ACOT11: variants seen among roughly 807,000 people sequenced by gnomAD.
The protein encoded by ACOT11 is acyl-CoA thioesterase 11.
ACOT11 carries 69 observed loss-of-function variants against 77.5 expected under a neutral mutation model. The ratio of observed to expected loss-of-function variants is 0.89; its 90% CI spans 0.73 to 1.09. The LOEUF is 1.09. Ranked by LOEUF, ACOT11 falls within the 50% of genes least tolerant of loss-of-function variation. The pLI is 0.00. For synonymous variants in ACOT11, 279 were observed against 313.0 expected, an observed-to-expected ratio of 0.89 and a Z score of 1.15; for missense variants, 766 against 813.7, an observed-to-expected ratio of 0.94 and a Z score of 0.71.
exon 17 of ACOT11, chr1:54,635,270 CTCTCA>C (rs1644324959): frequency 9.2e-6 from 2 of 218,370 alleles, no homozygotes; most frequent in African/African-American, 4.8e-5. Context: ...TGAATTGCAC[CTCTCA>C]GTCTGCATGC....
chr1:54,619,833 G>A lies in ACOT11; in HGVS notation c.1630-10901G>A, dbSNP rs144034953. The A allele has an allele frequency of 6.2e-4, 997 of 1,610,554 alleles. 4 individuals carry two copies. The African/African-American group carries it at 0.01, about 17-fold the overall frequency. ...CTCTGTCTTCTCTATCCCTTGCCCTGGCCTGCCTCAGTCTTGGCAGCTGGA... is the reference window on the plus strand; with the variant it reads ...CTCTGTCTTCTCTATCCCTTGCCCTAGCCTGCCTCAGTCTTGGCAGCTGGA... On this transcript the variant is annotated intron_variant, in intron 15 of 16. Transcript: ENST00000371316.
At chr1:54,553,396 A>T (rs1653140663) in intron 1 of ACOT11, among the ~76,000 whole-genome samples, 1 of 150,614 alleles carries the variant, frequency 6.6e-6, no homozygotes, top group Non-Finnish European at 1.5e-5. Flanking sequence ...TGAACCTGGG[A>T]GGTGGAGGTT....
chr1:54,611,685 G>A (rs201642339), downstream of ACOT11: 65 of 1,614,098 alleles, frequency 4.0e-5, no homozygotes, highest in East Asian at 1.8e-4. Flanking sequence ...TATCCCGGAC[G>A]TAGAGCAGAT....
At chr1:54,549,152 G>A (rs1236323022) in intron 1 of ACOT11, among the ~76,000 whole-genome samples, 1 of 152,138 alleles carries the variant, frequency 6.6e-6, no homozygotes, top group African/African-American at 2.4e-5. Flanking sequence ...CGGGCCCTGT[G>A]CATCTTGTCT....
At chr1:54,585,709 A>G (rs1170096729) in intron 2 of ACOT11, 126 bp from the exon 3 acceptor site, 4 of 806,978 alleles carry the variant, frequency 5.0e-6, no homozygotes, top group Non-Finnish European at 6.0e-6. Flanking sequence ...TGGTGGCAGC[A>G]GGGTGTGGTG....
At chr1:54,563,834 G>T (rs1023664995) in intron 1 of ACOT11, among the ~76,000 whole-genome samples, 1 of 152,134 alleles carries the variant, frequency 6.6e-6, no homozygotes, top group Middle Eastern at 3.4e-3. Flanking sequence ...CTGAGGGAGC[G>T]GGGGGCGGAT....
rs370568235 is a variant in ACOT11 at position 54,594,009 on chromosome 1, C to T, written c.441C>T (p.Ala147=). ...AGTGGAATGTGTGCAAGGCCTTGGC[C>T]ACCTTCGTGGCCCGCCGAGAGATCA... ...EKQWNVCKAL[A]TFVARREITK... The change falls in exon 5 of 16, where the codon GCC becomes GCT. Residue 147 remains alanine (A), a synonymous_variant. Transcript: ENST00000343744. The T allele has an allele frequency of 5.0e-6, 8 of 1,613,982 alleles. No homozygotes were observed. The African/African-American group carries it at 9.3e-5, about 19-fold the overall frequency.
At position 54,607,790 on chromosome 1, in the gene ACOT11, G is replaced by A. The variant is rs79306339; in HGVS notation, c.1503-152G>A. The A allele has an allele frequency of 2.3e-3, 2,272 of 1,008,024 alleles. 41 individuals are homozygous for A. In the Admixed American group the frequency reaches 0.032, roughly 14 times the overall value. 62.4% of individuals were successfully genotyped at this position (1,008,024 alleles called of 1,614,324 possible). On this transcript the variant is annotated intron_variant, in intron 14 of 15. Transcript: ENST00000343744. The surrounding 1 kb of genome is among the most constrained non-coding windows in gnomAD (Gnocchi z 4.5). ...TCCCTCCAGCCTGGCCCTGAGCCCC[G>A]CATTGGGGCTTTAAGAGTCGATGTG...
chr1:54,620,046 GC>G, intron 15 of ACOT11: 1 of 1,603,146 alleles, frequency 6.2e-7, no homozygotes, highest in Non-Finnish European at 8.5e-7. Context: ...GTCTGTCCTC[GC>G]CCCAGCCCAA....
At chr1:54,550,999 G>A (rs1653044683) in intron 1 of ACOT11, among the ~76,000 whole-genome samples, 1 of 151,914 alleles carries the variant, frequency 6.6e-6, no homozygotes, top group African/African-American at 2.4e-5. Flanking sequence ...AATTAGCTGG[G>A]CATGGTGGCA....
chr1:54,629,076 A>AAAG (rs1312118869), intron 15 of ACOT11, among the ~76,000 whole-genome samples: 17 of 127,800 alleles, frequency 1.3e-4, no homozygotes, highest in East Asian at 1.3e-3. Context: ...AAAAAAAAAA[A>AAAG]AAGAAGAAGA....
chr1:54,581,039 GA>G (rs1301945260), intron 1 of ACOT11, among the ~76,000 whole-genome samples: 1 of 152,206 alleles, frequency 6.6e-6, no homozygotes, highest in East Asian at 1.9e-4. Flanking sequence ...AGCCATCGAA[GA>G]GTCCTGAGCA....
exon 17 of ACOT11, chr1:54,635,178 T>A (rs1644324323): frequency 4.3e-6 from 1 of 234,026 alleles, no homozygotes; most frequent in South Asian, 5.6e-5. Flanking sequence ...TTAGGAAGAT[T>A]GCTTTGCAGA....
intron 1 of ACOT11, among the ~76,000 whole-genome samples, chr1:54,559,657 T>C (rs1653397253): frequency 1.3e-5 from 2 of 152,190 alleles, no homozygotes; most frequent in Admixed American, 6.5e-5. Flanking sequence ...TAGGGTCAGT[T>C]GGTCAGATGA....
At chr1:54,611,161 A>G (rs1644113519), downstream of ACOT11, 1 of 524,928 alleles carries the variant, frequency 1.9e-6, no homozygotes, top group Non-Finnish European at 2.4e-6. Context: ...TGGGTCAGGC[A>G]GGTGGCTCAT....
intron 15 of ACOT11, among the ~76,000 whole-genome samples, chr1:54,619,025 T>C (rs1644202415): frequency 6.6e-6 from 1 of 152,188 alleles, no homozygotes; most frequent in South Asian, 2.1e-4. Flanking sequence ...CCTGCTTTGG[T>C]TGATTTGGTC....
Position 54,552,330 on chromosome 1 carries a change from T to A in ACOT11, c.33+3988T>A, listed in dbSNP as rs1653100147. 2.0e-5 allele frequency among the ~76,000 whole-genome samples: 3 copies of A among 152,256 alleles called. No homozygotes were observed. The South Asian group carries it at 6.2e-4, about 32-fold the overall frequency. The stretch of plus-strand genomic sequence containing the variant: ...TACGAGGAGTCCCAAAACTGCTGAA[T>A]GAATGAGTGACCACAGGTGCTCAGA... On this transcript the variant is annotated intron_variant, in intron 1 of 15. Coordinates refer to ENST00000343744, the MANE Select transcript of ACOT11 (RefSeq NM_147161.4).
downstream of ACOT11, chr1:54,611,670 A>G (rs1644120051): frequency 1.2e-6 from 2 of 1,614,026 alleles, no homozygotes; most frequent in Non-Finnish European, 1.7e-6. Context: ...GGTGGACAGC[A>G]GTGTTATCCC....
chr1:54,581,089 T>C (rs1395925206), intron 1 of ACOT11, among the ~76,000 whole-genome samples: 2 of 152,168 alleles, frequency 1.3e-5, no homozygotes, highest in African/African-American at 4.8e-5. Context: ...TAGAAAGGTC[T>C]ATGTGCTCCT....
Sources: allele counts gnomAD v4.1 joint callset (sites outside exome capture counted in the v4.1 genomes callset), GRCh38; gene constraint gnomAD v4.1.1; non-coding constraint Gnocchi (gnomAD v3.1); transcripts MANE v1.5; gene names NCBI Gene and HGNC (gene_info 2026-07-23, HGNC 2026-07-21).